CDH12: variants seen among roughly 807,000 people sequenced by gnomAD.
CDH12 encodes the protein cadherin 12.
CDH12 carries 41 observed loss-of-function variants against 74.1 expected under a neutral mutation model. That is an observed-to-expected ratio of 0.55 (90% CI 0.43 to 0.72). The LOEUF is 0.72. CDH12 is among the 30% of genes least tolerant of loss of function. The pLI, the probability that CDH12 is intolerant of heterozygous loss-of-function variation, is 0.00. For synonymous variants in CDH12, 399 were observed against 355.0 expected (o/e 1.12, Z -1.39); for missense variants, 945 against 977.2 (o/e 0.97, Z 0.44).
chr5:22,020,957 A>T (rs906091094), intron 5 of CDH12, among the ~76,000 whole-genome samples: 1 of 152,162 alleles, frequency 6.6e-6, no homozygotes, highest in Non-Finnish European at 1.5e-5. Context: ...TGTTTTTATT[A>T]CTATTTTAAC....
chr5:22,625,248 A>G (rs2126847592), intron 1 of CDH12, among the ~76,000 whole-genome samples: 1 of 152,298 alleles, frequency 6.6e-6, no homozygotes, highest in Non-Finnish European at 1.5e-5. Context: ...TGGCACATGT[A>G]TACATATATA....
intron 10 of CDH12, among the ~76,000 whole-genome samples, chr5:21,800,188 G>A (rs1275030040): frequency 6.6e-6 from 1 of 151,952 alleles, no homozygotes; most frequent in African/African-American, 2.4e-5. Flanking sequence ...TTGGCCTCGG[G>A]ATGAATTGTA....
chr5:22,607,469 A>C (rs11749322), intron 1 of CDH12, among the ~76,000 whole-genome samples: 9,999 of 152,266 alleles, frequency 0.066, 438 homozygotes, highest in East Asian at 0.24. Flanking sequence ...GCAAGAGAAA[A>C]TGAGGAAGAA....
intron 5 of CDH12, among the ~76,000 whole-genome samples, chr5:22,069,129 G>A (rs369621105): frequency 3.3e-5 from 5 of 152,266 alleles, no homozygotes. Context: ...CCTATAGAAT[G>A]CCTTATCTAC....
chr5:21,979,491 C>T (rs535271161), intron 5 of CDH12, among the ~76,000 whole-genome samples: 4 of 152,096 alleles, frequency 2.6e-5, no homozygotes, highest in East Asian at 3.9e-4. Flanking sequence ...TTCATTCCAG[C>T]GCTTAAAAGT....
chr5:21,842,394 A>C (rs959674806), intron 7 of CDH12, 66 bp from the exon 8 acceptor site: 2 of 1,120,304 alleles, frequency 1.8e-6, no homozygotes, highest in African/African-American at 3.2e-5. Context: ...AAATAAAATA[A>C]AATGCAACAA....
chr5:21,909,296 C>T (rs762556186), intron 6 of CDH12, among the ~76,000 whole-genome samples: 8 of 151,990 alleles, frequency 5.3e-5, no homozygotes, highest in Non-Finnish European at 1.2e-4. Flanking sequence ...TGTTTTTTAC[C>T]CCTTTTGTTT....
chr5:22,426,259 T>C (rs1010689343), intron 2 of CDH12, among the ~76,000 whole-genome samples: 1 of 151,934 alleles, frequency 6.6e-6, no homozygotes, highest in Non-Finnish European at 1.5e-5. Flanking sequence ...TTAATTTTGT[T>C]CCACAACTGT....
intron 1 of CDH12, among the ~76,000 whole-genome samples, chr5:22,727,291 A>G (rs954881117): frequency 3.3e-5 from 5 of 151,912 alleles, no homozygotes; most frequent in Non-Finnish European, 7.4e-5. Flanking sequence ...TTGACTGTTA[A>G]TTAGTCTGCA....
intron 1 of CDH12, among the ~76,000 whole-genome samples, chr5:22,813,784 G>A (rs6882990): frequency 0.042 from 6,433 of 152,124 alleles, 471 homozygotes; most frequent in African/African-American, 0.15. Context: ...GAATGATGCT[G>A]ACCACATTGT....
intron 1 of CDH12, among the ~76,000 whole-genome samples, chr5:22,851,333 C>T (rs1391514370): frequency 1.3e-5 from 2 of 152,160 alleles, no homozygotes; most frequent in Non-Finnish European, 2.9e-5. Flanking sequence ...AAAAACTTCC[C>T]CCTACTGCTT....
At chr5:22,317,954 C>G (rs1215625087) in intron 3 of CDH12, among the ~76,000 whole-genome samples, 1 of 152,182 alleles carries the variant, frequency 6.6e-6, no homozygotes, top group Admixed American at 6.5e-5. Flanking sequence ...CCATAATCAT[C>G]CAGGCAACTA....
chr5:22,728,845 A>G (rs1483703359), intron 1 of CDH12, among the ~76,000 whole-genome samples: 2 of 151,880 alleles, frequency 1.3e-5, no homozygotes, highest in East Asian at 3.9e-4. Context: ...GTCATGACCT[A>G]ATTACCCACA....
At chr5:22,540,927 C>T (rs778175122) in intron 1 of CDH12, among the ~76,000 whole-genome samples, 4 of 152,092 alleles carry the variant, frequency 2.6e-5, no homozygotes, top group African/African-American at 9.7e-5. Context: ...CCACACCTGT[C>T]TCGTGTTTTG....
intron 1 of CDH12, among the ~76,000 whole-genome samples, chr5:22,517,777 T>C (rs540050058): frequency 6.6e-6 from 1 of 152,342 alleles, no homozygotes; most frequent in African/African-American, 2.4e-5. Flanking sequence ...TACTTCCTTG[T>C]CTCTATTCTC....
At chr5:22,518,175 A>T (rs1045004192) in intron 1 of CDH12, among the ~76,000 whole-genome samples, 1 of 152,238 alleles carries the variant, frequency 6.6e-6, no homozygotes, top group Non-Finnish European at 1.5e-5. Flanking sequence ...ACAAGTAGAC[A>T]AGAGGAATTA....
chr5:22,196,195 A>G (rs1750609886), intron 4 of CDH12, among the ~76,000 whole-genome samples: 1 of 144,898 alleles, frequency 6.9e-6, no homozygotes, highest in Non-Finnish European at 1.5e-5. Flanking sequence ...GCCAGGCTTG[A>G]GTGCAGTGGC....
chr5:21,778,846 A>G (rs1745748042), intron 11 of CDH12, among the ~76,000 whole-genome samples: 1 of 152,158 alleles, frequency 6.6e-6, no homozygotes, highest in African/African-American at 2.4e-5. Flanking sequence ...AATTATAGGT[A>G]CCAATCTTGA....
intron 2 of CDH12, among the ~76,000 whole-genome samples, chr5:22,453,913 TAC>T (rs1224062924): frequency 6.6e-6 from 1 of 152,140 alleles, no homozygotes; most frequent in African/African-American, 2.4e-5. Context: ...AATTAGTTAT[TAC>T]AGTTTTCATT....
Sources: gnomAD v4.1 joint callset for allele counts (sites outside exome capture counted in the v4.1 genomes callset) on GRCh38, gnomAD v4.1.1 for gene constraint, MANE v1.5 for transcripts, NCBI Gene and HGNC (gene_info 2026-07-23, HGNC 2026-07-21) for gene names.